Variants in TANGO6 observed in about 807,000 individuals in gnomAD.
TANGO6 encodes transport and golgi organization 6 homolog, also known as transport and Golgi organization protein 6 homolog.
TANGO6 carries 90 observed loss-of-function variants against 114.2 expected under a neutral mutation model. That is an observed-to-expected ratio of 0.79 (90% CI 0.66 to 0.94). The LOEUF is 0.94. Ranked by LOEUF, TANGO6 falls within the 40% of genes least tolerant of loss-of-function variation. TANGO6 has a pLI of 0.00. For missense variants in TANGO6, 1,274 were observed against 1,315.3 expected, an observed-to-expected ratio of 0.97 and a Z score of 0.49; for synonymous variants, 477 against 509.8, an observed-to-expected ratio of 0.94 and a Z score of 0.87.
At chr16:69,011,934 C>G (rs1361654514) in intron 15 of TANGO6, among the ~76,000 whole-genome samples, 1 of 152,184 alleles carries the variant, frequency 6.6e-6, no homozygotes, top group Admixed American at 6.5e-5. Context: ...TTGATATAGG[C>G]AAGTCATAGG....
chr16:69,080,902 G>C (rs1025951534), intron 17 of TANGO6, among the ~76,000 whole-genome samples: 1 of 152,144 alleles, frequency 6.6e-6, no homozygotes, highest in Non-Finnish European at 1.5e-5. Context: ...ACTTTGGGAG[G>C]CCGAGGCGGG....
chr16:68,867,703 G>C (rs1567527488), intron 4 of TANGO6: 1 of 153,576 alleles, frequency 6.5e-6, no homozygotes, highest in Admixed American at 6.5e-5. Flanking sequence ...GCCTGGCATG[G>C]CGGCGGGCGC....
intron 11 of TANGO6, among the ~76,000 whole-genome samples, chr16:68,918,400 G>A (rs1963040778): frequency 1.3e-5 from 2 of 152,110 alleles, no homozygotes; most frequent in African/African-American, 4.8e-5. Flanking sequence ...TTCACGGATT[G>A]TGCCTTTGGT....
chr16:69,079,950 G>A (rs1421318294), intron 17 of TANGO6, among the ~76,000 whole-genome samples: 1 of 152,238 alleles, frequency 6.6e-6, no homozygotes, highest in African/African-American at 2.4e-5. Flanking sequence ...ACTGGGCACA[G>A]TGGCTTATGC....
At chr16:69,063,643 CAAAAAAAAAA>C (rs770332921) in intron 17 of TANGO6, among the ~76,000 whole-genome samples, 8 of 35,784 alleles carry the variant, frequency 2.2e-4, no homozygotes, top group South Asian at 2.1e-3. Context: ...ACTCCATCTC[CAAAAAAAAAA>C]AAAAAAAAAA....
intron 12 of TANGO6, among the ~76,000 whole-genome samples, chr16:68,925,415 G>T (rs1027433408): frequency 6.6e-6 from 1 of 152,100 alleles, no homozygotes; most frequent in Middle Eastern, 3.2e-3. Context: ...ATTCTTCTTT[G>T]GTAGACCTAT....
chr16:69,079,237 A>G (rs950720947), intron 17 of TANGO6, among the ~76,000 whole-genome samples: 10 of 151,868 alleles, frequency 6.6e-5, no homozygotes, highest in African/African-American at 2.4e-4. Context: ...GGCTGAGGCA[A>G]GAGAATCGCT....
At chr16:68,968,554 G>A (rs1219930284) in intron 14 of TANGO6, among the ~76,000 whole-genome samples, 1 of 151,138 alleles carries the variant, frequency 6.6e-6, no homozygotes, top group Non-Finnish European at 1.5e-5. Context: ...AGTAGAGAGG[G>A]GGGTTTCACC....
intron 7 of TANGO6, among the ~76,000 whole-genome samples, chr16:68,897,507 G>A (rs1005285032): frequency 6.6e-6 from 1 of 151,700 alleles, no homozygotes; most frequent in African/African-American, 2.4e-5. Flanking sequence ...TAAATTTTAG[G>A]CACAAGTAGT....
Position 69,083,616 on chromosome 16 carries a change from G to A in TANGO6, c.3240G>A (p.Leu1080=). Residue 1080 remains leucine, a synonymous_variant, in exon 18 of 18, where the codon CTG becomes CTA. Coordinates refer to ENST00000261778, the MANE Select transcript of TANGO6 (RefSeq NM_024562.2). ...EELDDIMKNF[L]FPPQKLEKKI... ...TGGATGACATCATGAAAAACTTCCT[G>A]TTCCCTCCACAGAAGCTGGAGAAGA... The A allele has an allele frequency of 1.3e-6, 2 of 1,580,096 alleles. No individual in the cohort carries two copies. Among genetic ancestry groups the A allele is most frequent in the Non-Finnish European group, 1.7e-6 (2 of 1,162,836 alleles).
chr16:69,063,119 T>C (rs1460839660), intron 17 of TANGO6, among the ~76,000 whole-genome samples: 1 of 151,054 alleles, frequency 6.6e-6, no homozygotes, highest in East Asian at 2.0e-4. Flanking sequence ...TCCCAGCTAC[T>C]TGGGAAGCGG....
At chr16:68,900,359 G>T in intron 7 of TANGO6, 75 bp from the exon 8 acceptor site, 1 of 1,153,146 alleles carries the variant, frequency 8.7e-7, no homozygotes, top group Non-Finnish European at 1.3e-6. Flanking sequence ...AGCCCTGCTA[G>T]GTGTTTGGTG....
At chr16:68,988,804 G>A (rs1963921288) in intron 15 of TANGO6, among the ~76,000 whole-genome samples, 2 of 150,582 alleles carry the variant, frequency 1.3e-5, no homozygotes, top group South Asian at 4.2e-4. Flanking sequence ...GGCTCAAGTG[G>A]TCCTCCCACC....
chr16:69,065,326 G>A (rs979413444), intron 17 of TANGO6, among the ~76,000 whole-genome samples: 4 of 152,178 alleles, frequency 2.6e-5, no homozygotes, highest in African/African-American at 7.2e-5. Context: ...AGTTCTGACC[G>A]CCTATTTTTT....
chr16:68,925,278 C>G (rs1339588776), intron 12 of TANGO6, among the ~76,000 whole-genome samples: 1 of 152,076 alleles, frequency 6.6e-6, no homozygotes, highest in African/African-American at 2.4e-5. Context: ...CCATTGCACT[C>G]CAGCCTGAGC....
At chr16:68,968,357 C>G (rs947702133) in intron 14 of TANGO6, among the ~76,000 whole-genome samples, 1 of 151,716 alleles carries the variant, frequency 6.6e-6, no homozygotes, top group Non-Finnish European at 1.5e-5. Context: ...AGCTACCGCA[C>G]CTGGCCTTTT....
intron 17 of TANGO6, among the ~76,000 whole-genome samples, chr16:69,044,548 G>T (rs1382325271): frequency 6.6e-6 from 1 of 152,060 alleles, no homozygotes; most frequent in African/African-American, 2.4e-5. Flanking sequence ...ATATAGTAGG[G>T]GCACTGGCAG....
intron 16 of TANGO6, among the ~76,000 whole-genome samples, chr16:69,039,174 G>A (rs1355394058): frequency 6.6e-6 from 1 of 151,628 alleles, no homozygotes; most frequent in African/African-American, 2.4e-5. Flanking sequence ...GACAGAGTGA[G>A]ACTCCATCTC....
chr16:69,056,842 A>C (rs1393735235), intron 17 of TANGO6, among the ~76,000 whole-genome samples: 3 of 151,738 alleles, frequency 2.0e-5, no homozygotes, highest in Non-Finnish European at 2.9e-5. Context: ...ACCACGCCCA[A>C]CTAATTTTTT....
Sources: gnomAD v4.1 joint callset for allele counts (sites outside exome capture counted in the v4.1 genomes callset) on GRCh38, gnomAD v4.1.1 for gene constraint, MANE v1.5 for transcripts, NCBI Gene and HGNC (gene_info 2026-07-23, HGNC 2026-07-21) for gene names.